The following ROCK1 variants were observed in gnomAD, a reference collection of about 807,000 sequenced individuals.
ROCK1 encodes the protein Rho associated coiled-coil containing protein kinase 1, also known as rho-associated protein kinase 1.
In ROCK1, 36 loss-of-function variants were observed where a neutral mutation model predicts 196.8. The observed-to-expected ratio is 0.18, with a 90% CI of 0.14 to 0.24. ROCK1 has a LOEUF of 0.24. Among genes scored for constraint, ROCK1 ranks in the 10% least tolerant of loss-of-function variants. The pLI is 1.00. For synonymous variants in ROCK1, 443 were observed against 515.9 expected (o/e 0.86, Z 1.91); for missense variants, 920 against 1,562.0 (o/e 0.59, Z 6.93).
At chr18:20,988,219 C>G (rs961926226) in intron 18 of ROCK1, among the ~76,000 whole-genome samples, 2 of 152,138 alleles carry the variant, frequency 1.3e-5, no homozygotes, top group Non-Finnish European at 2.9e-5. Context: ...GTACGCACCA[C>G]TACACGCAGC....
chr18:21,017,351 C>T (rs1294892420), intron 12 of ROCK1, among the ~76,000 whole-genome samples: 5 of 151,866 alleles, frequency 3.3e-5, no homozygotes, highest in Non-Finnish European at 1.5e-5. Flanking sequence ...GCCACCGCGC[C>T]CAGCTAATTT....
intron 16 of ROCK1, among the ~76,000 whole-genome samples, chr18:20,998,111 A>T (rs543690258): frequency 6.6e-6 from 1 of 152,298 alleles, no homozygotes; most frequent in Admixed American, 6.5e-5. Flanking sequence ...TGCTGGGATG[A>T]CAGGCATGAG....
intron 31 of ROCK1, among the ~76,000 whole-genome samples, chr18:20,954,017 ATGTAT>A (rs961572264): frequency 6.6e-6 from 1 of 151,946 alleles, no homozygotes; most frequent in African/African-American, 2.4e-5. Flanking sequence ...AAACAAATAA[ATGTAT>A]TTAAAGAACA....
chr18:21,109,288 T>A (rs1016850738), intron 1 of ROCK1, among the ~76,000 whole-genome samples: 2 of 152,142 alleles, frequency 1.3e-5, no homozygotes, highest in Non-Finnish European at 2.9e-5. Context: ...CCTCCACATG[T>A]AAATAAAGGT....
intron 2 of ROCK1, among the ~76,000 whole-genome samples, chr18:21,059,249 G>A (rs80265430): frequency 0.017 from 2,649 of 152,170 alleles, 159 homozygotes; most frequent in Admixed American, 0.11. Flanking sequence ...AGCCTAAAAT[G>A]ACTTCCCCCA....
At chr18:20,984,857 T>C (rs2035564029) in intron 19 of ROCK1, among the ~76,000 whole-genome samples, 1 of 152,166 alleles carries the variant, frequency 6.6e-6, no homozygotes, top group African/African-American at 2.4e-5. Context: ...TTTATGTCTG[T>C]AATCCCAGCA....
At chr18:20,991,446 C>A (rs1231632812) in intron 17 of ROCK1, 120 bp from the exon 18 acceptor site, 3 of 671,436 alleles carry the variant, frequency 4.5e-6, no homozygotes, top group South Asian at 2.3e-5. Context: ...ACAATAAACA[C>A]ATATAATTAA....
At chr18:21,071,940 A>G (rs1374114138) in intron 1 of ROCK1, among the ~76,000 whole-genome samples, 1 of 152,194 alleles carries the variant, frequency 6.6e-6, no homozygotes, top group Non-Finnish European at 1.5e-5. Context: ...AAGTGTCTGG[A>G]CCTTAATAGT....
intron 29 of ROCK1, chr18:20,955,553 AC>A (rs2035233654): frequency 4.5e-6 from 1 of 223,192 alleles, no homozygotes; most frequent in Admixed American, 5.1e-5. Context: ...TTCTTAGAAA[AC>A]TAAACATATG....
intron 16 of ROCK1, among the ~76,000 whole-genome samples, chr18:20,996,405 T>G (rs1044862065): frequency 6.6e-6 from 1 of 152,100 alleles, no homozygotes; most frequent in African/African-American, 2.4e-5. Flanking sequence ...GAATGGAACA[T>G]GCATATAAGA....
chr18:21,058,610 T>G (rs2036263689), intron 2 of ROCK1, among the ~76,000 whole-genome samples: 1 of 152,186 alleles, frequency 6.6e-6, no homozygotes, highest in Non-Finnish European at 1.5e-5. Context: ...TTTTCTTTTC[T>G]TTTTCCTTGA....
At chr18:20,956,845 A>C (rs2143325264) in intron 29 of ROCK1, among the ~76,000 whole-genome samples, 1 of 152,316 alleles carries the variant, frequency 6.6e-6, no homozygotes, top group East Asian at 1.9e-4. Flanking sequence ...AACATAAGCA[A>C]CCCAATTTAA....
chr18:20,976,531 C>T (rs1373342620), intron 22 of ROCK1, among the ~76,000 whole-genome samples: 2 of 152,180 alleles, frequency 1.3e-5, no homozygotes, highest in Non-Finnish European at 2.9e-5. Context: ...AAGGCGAGAT[C>T]TTCAGTTTGT....
intron 27 of ROCK1, 28 bp downstream of exon 27, chr18:20,966,889 T>C: frequency 6.5e-7 from 1 of 1,549,724 alleles, no homozygotes; most frequent in South Asian, 1.2e-5. Flanking sequence ...CATTTATACA[T>C]GTTTGAATGA....
rs543359432 is a variant in ROCK1, at chr18:21,066,170, C to A, written c.175+4362G>T. On this transcript the variant is annotated intron_variant, in intron 2 of 32. Transcript: ENST00000399799. ...ATGTAAAATGCTATCCTATACAAAT[C>A]TATTGCTCTGTGTGAAACATAAAAA... Among the ~76,000 whole-genome samples, 7 of 152,180 alleles carry A rather than the reference C, an allele frequency of 4.6e-5. No homozygotes were observed. In the South Asian group the frequency reaches 1.4e-3, roughly 31 times the overall value.
At chr18:20,997,688 T>C (rs1426321469) in intron 16 of ROCK1, among the ~76,000 whole-genome samples, 1 of 152,186 alleles carries the variant, frequency 6.6e-6, no homozygotes, top group Non-Finnish European at 1.5e-5. Flanking sequence ...AGAATATACA[T>C]TCTCCTTAGC....
At chr18:20,975,985 G>C (rs748853782) in intron 22 of ROCK1, among the ~76,000 whole-genome samples, 4 of 152,120 alleles carry the variant, frequency 2.6e-5, no homozygotes, top group Admixed American at 2.6e-4. Context: ...ATCCTGCTCT[G>C]ATCTTCTCTT....
At chr18:20,982,499 G>T (rs1482985449) in intron 21 of ROCK1, among the ~76,000 whole-genome samples, 4 of 152,070 alleles carry the variant, frequency 2.6e-5, no homozygotes, top group Non-Finnish European at 1.5e-5. Context: ...TGATCCACTC[G>T]CCTCGGCCTC....
At chr18:20,996,105 A>C (rs577867366) in intron 16 of ROCK1, among the ~76,000 whole-genome samples, 1 of 152,192 alleles carries the variant, frequency 6.6e-6, no homozygotes, top group Non-Finnish European at 1.5e-5. Context: ...AGACAGAGAT[A>C]TAAGACCTTT....
Sources: gnomAD v4.1 joint callset for allele counts (sites outside exome capture counted in the v4.1 genomes callset) on GRCh38, gnomAD v4.1.1 for gene constraint, MANE v1.5 for transcripts, NCBI Gene and HGNC (gene_info 2026-07-23, HGNC 2026-07-21) for gene names.